The following BTBD10 variants were observed in gnomAD, a reference collection of about 807,000 sequenced individuals.
The protein encoded by BTBD10 is BTB domain containing 10, also known as BTB/POZ domain-containing protein 10.
In BTBD10, 21 loss-of-function variants were observed where a neutral mutation model predicts 53.2. The ratio of observed to expected loss-of-function variants is 0.39; its 90% CI spans 0.28 to 0.57. The LOEUF (loss-of-function observed/expected upper bound fraction) is 0.57. Among genes scored for constraint, BTBD10 ranks in the 20% least tolerant of loss-of-function variants. The probability of loss-of-function intolerance (pLI) is 0.53; values close to 1 mark genes in which losing one functional copy is unlikely to be tolerated. For missense variants in BTBD10, 360 were observed against 594.7 expected, an observed-to-expected ratio of 0.61 and a Z score of 4.10; for synonymous variants, 149 against 192.7, an observed-to-expected ratio of 0.77 and a Z score of 1.88.
intron 2 of BTBD10, among the ~76,000 whole-genome samples, chr11:13,428,350 A>G (rs899536870): frequency 5.9e-5 from 9 of 152,048 alleles, no homozygotes; most frequent in Non-Finnish European, 1.2e-4. Flanking sequence ...GACAAATTCT[A>G]CCAAGCATTT....
chr11:13,405,391 T>C (rs1949800543), intron 7 of BTBD10: 1 of 294,548 alleles, frequency 3.4e-6, no homozygotes, highest in Non-Finnish European at 6.2e-6. Context: ...TAACCATGTG[T>C]ATATGGCATG....
intron 2 of BTBD10, among the ~76,000 whole-genome samples, chr11:13,432,605 C>T (rs945210226): frequency 4.7e-5 from 7 of 149,092 alleles, no homozygotes; most frequent in Non-Finnish European, 1.0e-4. Flanking sequence ...AAAGTGGAGA[C>T]AAAAAAACAC....
intron 2 of BTBD10, among the ~76,000 whole-genome samples, chr11:13,431,632 A>T (rs1176662070): frequency 2.0e-5 from 3 of 152,202 alleles, no homozygotes; most frequent in African/African-American, 7.2e-5. Context: ...TTTAAATCTT[A>T]TTAAAATGGT....
chr11:13,416,221 G>A (rs1336306389), intron 5 of BTBD10, among the ~76,000 whole-genome samples: 1 of 151,698 alleles, frequency 6.6e-6, no homozygotes. Flanking sequence ...GGGCGTGGTG[G>A]CACACACCTA....
At chr11:13,416,200 A>C (rs1038012634) in intron 5 of BTBD10, among the ~76,000 whole-genome samples, 15 of 151,672 alleles carry the variant, frequency 9.9e-5, no homozygotes, top group Non-Finnish European at 8.8e-5. Context: ...AAAAATACAA[A>C]AAAATTAGCT....
chr11:13,458,957 C>G (rs1381984230), intron 1 of BTBD10, among the ~76,000 whole-genome samples: 2 of 152,024 alleles, frequency 1.3e-5, no homozygotes, highest in African/African-American at 4.8e-5. Flanking sequence ...CACCCAAAAA[C>G]AAGAAAATCA....
In BTBD10 at chr11:13,421,646, A is replaced by T. The variant is rs1488874615; in HGVS notation, c.294T>A (p.His98Gln). ...RNVTSPTRQH[H>Q]VEREKDHSSS... ...AGGTTAGTTGATTTTACATACCAAC[A>T]TGGTGCTGTCGTGTTGGAGAAGTCA... The change falls in exon 3 of 9, where the codon CAT (histidine) becomes CAA (glutamine). Residue 98 changes from histidine (H) to glutamine (Q), a missense_variant. His to Gln is a conservative substitution (Grantham distance 24). Around this residue, in one of 6 missense-constraint regions of BTBD10, gnomAD observed 109 missense variants for 118.6 expected, o/e 0.92. Transcript: ENST00000278174. The T allele has an allele frequency of 6.2e-7, 1 of 1,612,024 alleles. No individual in the cohort carries two copies. Among genetic ancestry groups the T allele is most frequent in the Non-Finnish European group, 8.5e-7 (1 of 1,179,114 alleles).
intron 2 of BTBD10, among the ~76,000 whole-genome samples, chr11:13,426,782 A>C (rs962935054): frequency 1.3e-5 from 2 of 152,218 alleles, no homozygotes; most frequent in African/African-American, 4.8e-5. Context: ...GGCTAATCCA[A>C]GAAGGCAAAG....
rs1555026667 is a variant in BTBD10, at chr11:13,430,974, T to TATACACACACAC, written c.102-9137_102-9136insGTGTGTGTGTAT. ...TATGGTAAGGTTTTATGGAGATACA[T>TATACACACACAC]ACACACACACACACACACACACACA... On this transcript the variant is annotated intron_variant, in intron 2 of 8. Transcript: ENST00000278174. 6.6e-4 allele frequency among the ~76,000 whole-genome samples: 96 copies of TATACACACACAC among 144,488 alleles called. 1 individual carries two copies. Among genetic ancestry groups the TATACACACACAC allele is most frequent in the African/African-American group, 2.3e-3 (91 of 39,186 alleles). 94.8% of individuals were successfully genotyped at this position (144,488 alleles called of 152,430 possible). A position where few individuals can be genotyped will look rare whatever the true frequency, so the allele number is the denominator to read the frequency against.
chr11:13,430,612 T>C (rs575731038), intron 2 of BTBD10, among the ~76,000 whole-genome samples: 2 of 152,184 alleles, frequency 1.3e-5, no homozygotes, highest in African/African-American at 4.8e-5. Context: ...AGCTCAAAAC[T>C]GGAAAAAACC....
At chr11:13,462,294 T>C (rs1450945789) in intron 1 of BTBD10, among the ~76,000 whole-genome samples, 2 of 152,170 alleles carry the variant, frequency 1.3e-5, no homozygotes, top group Non-Finnish European at 2.9e-5. Flanking sequence ...CTAATTTAAA[T>C]AAAAAGCATG....
intron 5 of BTBD10, among the ~76,000 whole-genome samples, chr11:13,415,658 T>A (rs1365741038): frequency 1.3e-5 from 2 of 152,160 alleles, no homozygotes; most frequent in East Asian, 3.9e-4. Flanking sequence ...TCACACTTTG[T>A]ACTTTTATAG....
At chr11:13,457,456 T>G (rs1950996267) in intron 1 of BTBD10, among the ~76,000 whole-genome samples, 1 of 152,132 alleles carries the variant, frequency 6.6e-6, no homozygotes, top group African/African-American at 2.4e-5. Flanking sequence ...AAATACATCG[T>G]TAGGTTAAAC....
chr11:13,421,994 G>T (rs1248941147), intron 2 of BTBD10, among the ~76,000 whole-genome samples, 156 bp from the exon 3 acceptor site: 1 of 152,130 alleles, frequency 6.6e-6, no homozygotes, highest in African/African-American at 2.4e-5. Context: ...CAAACTTGTA[G>T]GCTTTAAAAA....
At chr11:13,428,654 T>A (rs1395623613) in intron 2 of BTBD10, among the ~76,000 whole-genome samples, 2 of 152,078 alleles carry the variant, frequency 1.3e-5, no homozygotes, top group African/African-American at 2.4e-5. Flanking sequence ...TTTTAACACA[T>A]CAAATCCAGC....
At chr11:13,444,515 T>C (rs1950719375) in intron 2 of BTBD10, among the ~76,000 whole-genome samples, 1 of 152,194 alleles carries the variant, frequency 6.6e-6, no homozygotes, top group Non-Finnish European at 1.5e-5. Context: ...ATGAATTTTA[T>C]TTCACGCAGC....
In BTBD10 at chr11:13,445,019, C is replaced by T. The variant is rs772783841; in HGVS notation, c.101+5G>A. ...TCATATGCGAAATACATATTTTCTA[C>T]CTACCTTGAATGTTTATAAAGTTTA... On this transcript the variant is annotated splice_donor_5th_base_variant and intron_variant, in intron 2 of 8. Coordinates refer to ENST00000278174, the MANE Select transcript of BTBD10 (RefSeq NM_032320.7). 4 of 1,595,152 alleles carry T rather than the reference C, an allele frequency of 2.5e-6. No homozygotes were observed. The highest frequency in any genetic ancestry group is 3.4e-6 in the Non-Finnish European group (4 of 1,163,546).
chr11:13,400,353 G>A (rs1473423100), intron 8 of BTBD10, among the ~76,000 whole-genome samples: 1 of 152,230 alleles, frequency 6.6e-6, no homozygotes, highest in African/African-American at 2.4e-5. Context: ...AGCCAGGTGT[G>A]GGATATAATC....
chr11:13,395,174 T>C (rs1286428695), intron 8 of BTBD10, among the ~76,000 whole-genome samples: 1 of 149,716 alleles, frequency 6.7e-6, no homozygotes, highest in Non-Finnish European at 1.5e-5. Context: ...GTAAAAGTGT[T>C]CCTATTTCTC....
Sources: allele counts gnomAD v4.1 joint callset (sites outside exome capture counted in the v4.1 genomes callset), GRCh38; gene constraint gnomAD v4.1.1; regional missense constraint gnomAD v4.1.1; transcripts MANE v1.5; gene names NCBI Gene and HGNC (gene_info 2026-07-23, HGNC 2026-07-21).